Variants in NIBAN2 observed in about 807,000 individuals in gnomAD.
NIBAN2 encodes protein Niban 2.
NIBAN2 carries 36 observed loss-of-function variants against 81.8 expected under a neutral mutation model. The ratio of observed to expected loss-of-function variants is 0.44; its 90% CI spans 0.34 to 0.58. NIBAN2 has a LOEUF of 0.58. Among genes scored for constraint, NIBAN2 ranks in the 20% least tolerant of loss-of-function variants. The pLI, the probability that NIBAN2 is intolerant of heterozygous loss-of-function variation, is 0.02. For missense variants in NIBAN2, 897 were observed against 1,014.1 expected, an observed-to-expected ratio of 0.88 and a Z score of 1.57; for synonymous variants, 445 against 441.6, an observed-to-expected ratio of 1.01 and a Z score of -0.10.
At chr9:127,535,592 A>G (rs1212458776) in intron 1 of NIBAN2, among the ~76,000 whole-genome samples, 1 of 152,150 alleles carries the variant, frequency 6.6e-6, no homozygotes, top group Non-Finnish European at 1.5e-5. Context: ...TGCTGCCCAC[A>G]GGCCTAGGGC....
At position 127,527,257 on chromosome 9, in the gene NIBAN2, C is replaced by G; in HGVS notation, c.252G>C (p.Lys84Asn). Residue 84 changes from lysine to asparagine, a missense_variant, in exon 3 of 14, where the codon AAG becomes AAC. Physicochemically the swap from Lys to Asn is moderately conservative, Grantham distance 94 (BLOSUM62 0). Transcript: ENST00000373312. ...GCACGAGGCTGAAGCGGTTTCTCCA[C>G]TTCTTGCTGTCCTCCTGGTGCTGGA... is the stretch of plus-strand genomic sequence containing the variant. ...NLFQHQEDSK[K>N]WRNRFSLVPH... is the part of the protein sequence containing the mutation. 1 of 1,614,036 alleles carries G rather than the reference C, an allele frequency of 6.2e-7. No individual in the cohort carries two copies. Among genetic ancestry groups the G allele is most frequent in the Non-Finnish European group, 8.5e-7 (1 of 1,180,014 alleles).
At chr9:127,528,768 C>A (rs1256695637) in intron 2 of NIBAN2, among the ~76,000 whole-genome samples, 1 of 152,266 alleles carries the variant, frequency 6.6e-6, no homozygotes, top group Non-Finnish European at 1.5e-5. Flanking sequence ...ACTGCCCACA[C>A]CCAGCTCAAA....
rs370720142 is a variant in NIBAN2, at chr9:127,527,220, C to T, written c.289G>A (p.Gly97Arg). 2.4e-5 allele frequency: 39 copies of T among 1,613,756 alleles called. No individual in the cohort carries two copies. The East Asian group carries it at 4.9e-4, about 20-fold the overall frequency. ...GCTTTGTTTTCGTAGAGCACCAGCC[C>T]GTAGTTGTGGGGCACGAGGCTGAAG... ...NRFSLVPHNY[G>R]LVLYENKAAY... is the part of the protein sequence containing the mutation. Residue 97 changes from glycine (G) to arginine (R), a missense_variant, in exon 3 of 14, where the codon GGG becomes AGG. Gly to Arg is a moderately radical substitution (Grantham distance 125). Around this residue, in one of 3 missense-constraint regions of NIBAN2, gnomAD observed 209 missense variants for 208.4 expected, o/e 1.00. Coordinates refer to ENST00000373312, the MANE Select transcript of NIBAN2 (RefSeq NM_022833.4).
chr9:127,571,535 A>C (rs765999970), upstream of NIBAN2, among the ~76,000 whole-genome samples: 10 of 152,130 alleles, frequency 6.6e-5, no homozygotes, highest in Non-Finnish European at 4.4e-5. Context: ...ATCTCTATTA[A>C]AAATGCAAAA....
intron 1 of NIBAN2, among the ~76,000 whole-genome samples, chr9:127,534,138 C>T (rs1015807144): frequency 2.0e-5 from 3 of 152,240 alleles, no homozygotes; most frequent in African/African-American, 7.2e-5. Context: ...TGCGGCTCCC[C>T]TCTCTGAGCC....
chr9:127,510,741 T>A (rs2132155167), intron 8 of NIBAN2, among the ~76,000 whole-genome samples: 1 of 152,158 alleles, frequency 6.6e-6, no homozygotes, highest in African/African-American at 2.4e-5. Context: ...GGCCTATTAT[T>A]ATTTTATTTG....
rs568185739 is a variant in NIBAN2, at chr9:127,522,634, TC to T, written c.589+1044del. Among the ~76,000 whole-genome samples, 4 of 152,016 alleles carry T rather than the reference TC, an allele frequency of 2.6e-5. No individual in the cohort carries two copies. In the South Asian group the frequency reaches 8.3e-4, roughly 32 times the overall value. Reference sequence around the variant, plus strand: ...TCCCTGCTTCAGGGCCTCGTGCAGTTCCTCCTCCGGGCCTACCCCTACCACC... The same window carrying T: ...TCCCTGCTTCAGGGCCTCGTGCAGTTCTCCTCCGGGCCTACCCCTACCACC... On this transcript the variant is annotated intron_variant, in intron 5 of 13. Coordinates refer to ENST00000373312, the MANE Select transcript of NIBAN2 (RefSeq NM_022833.4).
intron 1 of NIBAN2, among the ~76,000 whole-genome samples, chr9:127,549,811 C>T (rs1368686252): frequency 2.0e-5 from 3 of 152,194 alleles, no homozygotes; most frequent in African/African-American, 7.2e-5. Context: ...CTAAGCTCAG[C>T]GAGCAGCAGG....
chr9:127,540,776 G>A (rs1314570257), intron 1 of NIBAN2, among the ~76,000 whole-genome samples: 3 of 152,244 alleles, frequency 2.0e-5, no homozygotes, highest in Non-Finnish European at 4.4e-5. Context: ...GCTGCACGCC[G>A]GCGCCAGCCC....
At position 127,505,469 on chromosome 9, in the gene NIBAN2, G is replaced by A. The variant is rs529048365; in HGVS notation, c.*1376C>T. On this transcript the variant is annotated 3_prime_UTR_variant, in exon 14 of 14. Transcript: ENST00000373312. ...AGAGGCGCAGATCTTCGGGACAAGA[G>A]GGAAGAGATGCGCCAGAGACCAGGG... 268 of 152,718 alleles carry A rather than the reference G, an allele frequency of 1.8e-3. 1 individual carries two copies. The highest frequency in any genetic ancestry group is 4.2e-3 in the Admixed American group (64 of 15,288). 9.5% of individuals were successfully genotyped at this position (152,718 alleles called of 1,614,324 possible). A position where few individuals can be genotyped will look rare whatever the true frequency, so the allele number is the denominator to read the frequency against.
At chr9:127,552,118 G>A (rs1837587299) in intron 1 of NIBAN2, among the ~76,000 whole-genome samples, 1 of 152,130 alleles carries the variant, frequency 6.6e-6, no homozygotes, top group Admixed American at 6.5e-5. Context: ...CCCCAGACAG[G>A]GGTCCCCAAG....
intron 5 of NIBAN2, among the ~76,000 whole-genome samples, chr9:127,518,495 GCTCGC>G (rs1028595823): frequency 6.6e-6 from 1 of 152,198 alleles, no homozygotes; most frequent in African/African-American, 2.4e-5. Flanking sequence ...CTCCCGCAAT[GCTCGC>G]CTCTACAGTC....
intron 1 of NIBAN2, among the ~76,000 whole-genome samples, chr9:127,576,854 G>A (rs1306558429): frequency 1.3e-5 from 2 of 151,190 alleles, no homozygotes; most frequent in African/African-American, 4.9e-5. Flanking sequence ...CACAACGTCC[G>A]GCTAATTTTT....
chr9:127,547,208 C>T (rs1452243224), intron 1 of NIBAN2, among the ~76,000 whole-genome samples: 3 of 152,130 alleles, frequency 2.0e-5, no homozygotes. Context: ...TCTCTCTGAA[C>T]CTCTGTTTCC....
At chr9:127,541,405 C>T (rs1005473075) in intron 1 of NIBAN2, among the ~76,000 whole-genome samples, 6 of 152,198 alleles carry the variant, frequency 3.9e-5, no homozygotes, top group Non-Finnish European at 8.8e-5. Context: ...TCCCAGAGAA[C>T]ACTGAGGCTC....
Position 127,559,383 on chromosome 9 carries a change from G to C in NIBAN2, c.55+9437C>G, listed in dbSNP as rs1291009327. 6.6e-6 allele frequency among the ~76,000 whole-genome samples: 1 copy of C among 152,228 alleles called. No individual in the cohort carries two copies. The highest frequency in any genetic ancestry group is 1.5e-5 in the Non-Finnish European group (1 of 68,036). On this transcript the variant is annotated intron_variant, in intron 1 of 13. Coordinates refer to ENST00000373312, the MANE Select transcript of NIBAN2 (RefSeq NM_022833.4). This position sits in a 1 kb window ranked among gnomAD's most constrained non-coding sequence, Gnocchi z 4.0. ...GCTGGAAGTGCATGCCCGTTGCACA[G>C]ATAGGCAAAGTGAGGAGGAGGCACA...
rs376858685 is a variant in NIBAN2, at chr9:127,507,304, G to A, written c.1782C>T (p.Ser594=). The A allele has an allele frequency of 1.4e-5, 22 of 1,592,162 alleles. No individual in the cohort carries two copies. Among genetic ancestry groups the A allele is most frequent in the Non-Finnish European group, 1.4e-5 (16 of 1,165,666 alleles). Residue 594 remains serine (S), a synonymous_variant, in exon 14 of 14, where the codon AGC becomes AGT. Transcript: ENST00000373312. This position sits in a 1 kb window ranked among gnomAD's most constrained non-coding sequence, Gnocchi z 6.8. ...GAPIDWGEEY[S]NSGGGGSPSP... ...TGGGGCTGCCGCCCCCGCCGCTGTT[G>A]CTGTACTCCTCGCCCCAGTCGATGG... is the stretch of plus-strand genomic sequence containing the variant.
At chr9:127,516,832 G>A (rs371748500) in intron 8 of NIBAN2, 25 bp downstream of exon 8, 8 of 1,599,640 alleles carry the variant, frequency 5.0e-6, no homozygotes, top group Non-Finnish European at 6.8e-6. Context: ...TGGAGGGCCC[G>A]TCGAGCACGG....
chr9:127,517,255 A>T lies in NIBAN2; in HGVS notation c.706-39T>A. ...GCACAAGCCAGGCCAGGGGCTGGAG[A>T]GCGCTCAGCTGGCCTGTTTCTCTCT... On this transcript the variant is annotated intron_variant, in intron 6 of 13. Coordinates refer to ENST00000373312, the MANE Select transcript of NIBAN2 (RefSeq NM_022833.4). The surrounding 1 kb of genome is among the most constrained non-coding windows in gnomAD (Gnocchi z 4.0). The T allele has an allele frequency of 2.5e-6, 4 of 1,568,696 alleles. No individual in the cohort carries two copies. The highest frequency in any genetic ancestry group is 3.5e-6 in the Non-Finnish European group (4 of 1,143,604).
Sources: allele counts gnomAD v4.1 joint callset (sites outside exome capture counted in the v4.1 genomes callset), GRCh38; gene constraint gnomAD v4.1.1; regional missense constraint gnomAD v4.1.1; non-coding constraint Gnocchi (gnomAD v3.1); transcripts MANE v1.5; gene names NCBI Gene and HGNC (gene_info 2026-07-23, HGNC 2026-07-21).